The following TNNT2 variants were observed in gnomAD, a reference collection of about 807,000 sequenced individuals.
TNNT2 encodes the protein troponin T, cardiac muscle.
TNNT2 carries 34 observed loss-of-function variants against 62.4 expected under a neutral mutation model. That is an observed-to-expected ratio of 0.54 (90% CI 0.41 to 0.72). TNNT2 has a LOEUF of 0.72. TNNT2 is among the 30% of genes least tolerant of loss of function. The pLI is 0.00. For missense variants in TNNT2, 275 were observed against 381.9 expected (o/e 0.72, Z 2.33); for synonymous variants, 123 against 127.2 (o/e 0.97, Z 0.22).
chr1:201,363,885 T>C (rs1659169380), intron 11 of TNNT2: 2 of 251,734 alleles, frequency 7.9e-6, no homozygotes, highest in South Asian at 4.7e-5. Context: ...GTCTCTTTTT[T>C]TTCCTTTTTT....
At chr1:201,367,396 A>C in intron 7 of TNNT2, 1 of 426,548 alleles carries the variant, frequency 2.3e-6, no homozygotes, top group Non-Finnish European at 4.3e-6. Context: ...GACTGCAGCA[A>C]TGACCCACCA....
rs2102273890 is a variant in TNNT2, at chr1:201,366,846, T to C, written c.225A>G (p.Pro75=). Residue 75 remains proline, a synonymous_variant, in exon 8 of 17, where the codon CCA becomes CCG. Coordinates refer to ENST00000656932, the MANE Select transcript of TNNT2 (RefSeq NM_001276345.2). ...AEDGPMEESK[P]KPRSFMPNLV... ...GGTGCCTCCCCACTCACCTGGGCTT[T>C]GGTTTGGACTCCTCCATTGGGCCAT... 6.2e-7 allele frequency: 1 copy of C among 1,614,116 alleles called. No homozygotes were observed. Among genetic ancestry groups the C allele is most frequent in the East Asian group, 2.2e-5 (1 of 44,860 alleles).
chr1:201,373,367 G>T, intron 1 of TNNT2, 99 bp from the exon 2 acceptor site: 11 of 1,032,336 alleles, frequency 1.1e-5, no homozygotes, highest in Non-Finnish European at 1.7e-5. Context: ...GAGGCCTAGG[G>T]TGAATCTAGT....
At chr1:201,359,484 C>T in intron 16 of TNNT2, 139 bp downstream of exon 16, 5 of 1,039,346 alleles carry the variant, frequency 4.8e-6, no homozygotes, top group Non-Finnish European at 7.3e-6. Context: ...CCGGAGGAGC[C>T]AGAGAAGGAA....
At chr1:201,376,155 C>G (rs1160833563) in intron 1 of TNNT2, among the ~76,000 whole-genome samples, 2 of 152,200 alleles carry the variant, frequency 1.3e-5, no homozygotes, top group Non-Finnish European at 2.9e-5. Flanking sequence ...GCTTTCTAGC[C>G]TAATGCATTC....
Position 201,361,310 on chromosome 1 carries a change from A to G in TNNT2, c.779T>C (p.Leu260Pro), listed in dbSNP as rs376037051. The change falls in exon 15 of 17, where the codon CTG (leucine) becomes CCG (proline). Residue 260 changes from leucine (L) to proline (P), a missense_variant. Physicochemically the swap from Leu to Pro is moderately conservative, Grantham distance 98 (BLOSUM62 -3). Transcript: ENST00000656932. ...IYNLEAEKFD[L>P]QEKFKQQKYE... Reference sequence around the variant, plus strand: ...TTTCTGCTGCTTGAACTTCTCCTGCAGGTCGAACTTCTCTGCCTCCAAGTT... The same window carrying G: ...TTTCTGCTGCTTGAACTTCTCCTGCGGGTCGAACTTCTCTGCCTCCAAGTT... 3.6e-5 allele frequency: 58 copies of G among 1,614,022 alleles called. No homozygotes were observed. The highest frequency in any genetic ancestry group is 4.7e-5 in the Non-Finnish European group (56 of 1,180,010).
chr1:201,362,051 G>C lies in TNNT2; in HGVS notation c.610-29C>G, dbSNP rs374739479. ...GAGGGTGTGGGAAGCAGAGTAAACT[G>C]GCCAGATTGCCCCCTCCCTGTCCCC... On this transcript the variant is annotated intron_variant, in intron 13 of 16. Transcript: ENST00000656932. The C allele has an allele frequency of 3.1e-6, 5 of 1,610,294 alleles. No individual in the cohort carries two copies. In the African/African-American group the frequency reaches 6.7e-5, roughly 22 times the overall value.
intron 4 of TNNT2, 68 bp from the exon 5 acceptor site, chr1:201,369,913 C>T (rs1660366482): frequency 8.8e-6 from 14 of 1,593,126 alleles, no homozygotes; most frequent in East Asian, 4.5e-5. Context: ...GCAGAGAGCC[C>T]GCGGCAGGAG....
intron 1 of TNNT2, 47 bp from the exon 2 acceptor site, chr1:201,373,315 C>T: frequency 6.4e-7 from 1 of 1,555,680 alleles, no homozygotes; most frequent in Non-Finnish European, 8.9e-7. Context: ...GGAAGCCTGC[C>T]TTCCTCAGAA....
chr1:201,372,085 G>T (rs372057416), intron 3 of TNNT2, 44 bp from the exon 4 acceptor site: 2 of 1,614,018 alleles, frequency 1.2e-6, no homozygotes, highest in African/African-American at 2.7e-5. Context: ...GAGAGAAGAG[G>T]TGGGTCAGTT....
At chr1:201,376,620 G>T (rs1276462452) in intron 1 of TNNT2, among the ~76,000 whole-genome samples, 1 of 152,138 alleles carries the variant, frequency 6.6e-6, no homozygotes, top group African/African-American at 2.4e-5. Flanking sequence ...TCTAAGACAT[G>T]GGTCAGAAAA....
chr1:201,369,711 C>A, intron 5 of TNNT2, 105 bp downstream of exon 5: 1 of 1,417,488 alleles, frequency 7.1e-7, no homozygotes, highest in Non-Finnish European at 1.0e-6. Context: ...CCGTCCCTGC[C>A]GCCTACTCAC....
chr1:201,359,753 G>C, intron 15 of TNNT2, 90 bp from the exon 16 acceptor site: 1 of 1,069,552 alleles, frequency 9.3e-7, no homozygotes, highest in Non-Finnish European at 1.4e-6. Context: ...AGGGGGCTGA[G>C]TGCAGCAGTG....
intron 16 of TNNT2, 136 bp from the exon 17 acceptor site, chr1:201,359,391 G>T: frequency 8.6e-7 from 1 of 1,166,264 alleles, no homozygotes; most frequent in Non-Finnish European, 1.3e-6. Flanking sequence ...TAGGACAGCA[G>T]CCTGAGGCTG....
intron 2 of TNNT2, 43 bp from the exon 3 acceptor site, chr1:201,372,198 A>G: frequency 6.2e-7 from 1 of 1,613,792 alleles, no homozygotes; most frequent in Non-Finnish European, 8.5e-7. Flanking sequence ...GCACACAAGC[A>G]CATGCAAACA....
chr1:201,364,086 G>A (rs921289291), intron 11 of TNNT2: 23 of 566,982 alleles, frequency 4.1e-5, no homozygotes, highest in African/African-American at 1.5e-4. Flanking sequence ...GGGTTTCTCC[G>A]TTGGTCAGGA....
In TNNT2 at chr1:201,359,631, G is replaced by A. The variant is rs1658226144; in HGVS notation, c.843C>T (p.Asn281=). Reference sequence around the variant, plus strand: ...TGACCTCAGACACTTACACTTTCTGGTTATCGTTGATCCTGTTTCGGAGAA... The same window carrying A: ...TGACCTCAGACACTTACACTTTCTGATTATCGTTGATCCTGTTTCGGAGAA... ...INVLRNRIND[N]QKVSKTRGKA... Residue 281 remains asparagine (N), a synonymous_variant, in exon 16 of 17, where the codon AAC becomes AAT. Coordinates refer to ENST00000656932, the MANE Select transcript of TNNT2 (RefSeq NM_001276345.2). 1 of 1,599,438 alleles carries A rather than the reference G, an allele frequency of 6.3e-7. No individual in the cohort carries two copies. The highest frequency in any genetic ancestry group is 8.5e-7 in the Non-Finnish European group (1 of 1,171,508).
Position 201,362,401 on chromosome 1 carries a change from C to A in TNNT2, c.601-7G>T. Reference sequence around the variant, plus strand: ...TGGTACCCACCTGGGCCTGCTAAACCGGGAAACCATGAGAGAGAGGCCCAT... The same window carrying A: ...TGGTACCCACCTGGGCCTGCTAAACAGGGAAACCATGAGAGAGAGGCCCAT... On this transcript the variant is annotated splice_region_variant and splice_polypyrimidine_tract_variant and intron_variant, in intron 12 of 16. Coordinates refer to ENST00000656932, the MANE Select transcript of TNNT2 (RefSeq NM_001276345.2). The A allele has an allele frequency of 6.2e-7, 1 of 1,613,764 alleles. No homozygotes were observed. The highest frequency in any genetic ancestry group is 8.5e-7 in the Non-Finnish European group (1 of 1,179,908).
chr1:201,364,417 G>T, intron 10 of TNNT2, 42 bp from the exon 11 acceptor site: 1 of 1,598,758 alleles, frequency 6.3e-7, no homozygotes, highest in Non-Finnish European at 8.5e-7. Flanking sequence ...TGCATAGGGA[G>T]AAGGTGACAT....
Sources: gnomAD v4.1 joint callset for allele counts (sites outside exome capture counted in the v4.1 genomes callset) on GRCh38, gnomAD v4.1.1 for gene constraint, MANE v1.5 for transcripts, NCBI Gene and HGNC (gene_info 2026-07-23, HGNC 2026-07-21) for gene names.